IMMP2L: variants seen among roughly 807,000 people sequenced by gnomAD.
The protein encoded by IMMP2L is mitochondrial inner membrane protease subunit 2.
IMMP2L carries 18 observed loss-of-function variants against 19.3 expected under a neutral mutation model. The observed-to-expected ratio is 0.93, with a 90% CI of 0.64 to 1.38. IMMP2L has a LOEUF of 1.38. IMMP2L is among the 40% of genes most tolerant of loss of function. IMMP2L has a pLI of 0.00. For synonymous variants in IMMP2L, 76 were observed against 73.0 expected, an observed-to-expected ratio of 1.04 and a Z score of -0.21; for missense variants, 233 against 218.2, an observed-to-expected ratio of 1.07 and a Z score of -0.43.
intron 5 of IMMP2L, among the ~76,000 whole-genome samples, chr7:110,827,511 G>T (rs953404037): frequency 6.6e-6 from 1 of 152,160 alleles, no homozygotes; most frequent in Non-Finnish European, 1.5e-5. Flanking sequence ...ATAAGATATT[G>T]TCCTCACTTT....
chr7:111,128,935 A>G (rs1801582372), intron 3 of IMMP2L, among the ~76,000 whole-genome samples: 1 of 152,206 alleles, frequency 6.6e-6, no homozygotes, highest in Non-Finnish European at 1.5e-5. Flanking sequence ...GTGAATTTCA[A>G]AAAGGTTTAT....
intron 3 of IMMP2L, among the ~76,000 whole-genome samples, chr7:111,288,378 A>G (rs916356839): frequency 6.6e-6 from 1 of 152,148 alleles, no homozygotes; most frequent in African/African-American, 2.4e-5. Flanking sequence ...CAGGAATGGG[A>G]AAAGACTTCA....
At chr7:110,869,553 T>TA (rs1808336360) in intron 5 of IMMP2L, among the ~76,000 whole-genome samples, 1 of 152,134 alleles carries the variant, frequency 6.6e-6, no homozygotes, top group Non-Finnish European at 1.5e-5. Context: ...TAGGCCCCTA[T>TA]AAGCCAGTGT....
intron 5 of IMMP2L, chr7:110,724,625 T>A (rs563529049): frequency 5.5e-4 from 84 of 152,298 alleles, no homozygotes; most frequent in African/African-American, 1.9e-3. Context: ...CAGCATTTTT[T>A]TTTTTTGCAT....
At chr7:111,301,828 C>T (rs1271645739) in intron 3 of IMMP2L, among the ~76,000 whole-genome samples, 1 of 149,682 alleles carries the variant, frequency 6.7e-6, no homozygotes, top group Admixed American at 6.7e-5. Flanking sequence ...TATCCCTCCA[C>T]CAATAACACA....
chr7:111,322,497 T>A (rs964722090), intron 3 of IMMP2L, among the ~76,000 whole-genome samples: 1 of 151,694 alleles, frequency 6.6e-6, no homozygotes, highest in Non-Finnish European at 1.5e-5. Flanking sequence ...AGCATAAGAA[T>A]TCTCCATTAT....
chr7:111,279,826 G>A (rs1198915759), intron 3 of IMMP2L, among the ~76,000 whole-genome samples: 1 of 152,120 alleles, frequency 6.6e-6, no homozygotes, highest in East Asian at 1.9e-4. Context: ...TGTCCATGAT[G>A]CAGCATATAG....
At chr7:110,853,378 T>C (rs1016172873) in intron 5 of IMMP2L, among the ~76,000 whole-genome samples, 1 of 152,016 alleles carries the variant, frequency 6.6e-6, no homozygotes, top group Non-Finnish European at 1.5e-5. Context: ...AATCTCTAGA[T>C]TGTGTGTTCA....
At chr7:111,259,290 A>G (rs1319238603) in intron 3 of IMMP2L, among the ~76,000 whole-genome samples, 6 of 152,086 alleles carry the variant, frequency 3.9e-5, no homozygotes, top group Non-Finnish European at 5.9e-5. Context: ...TGTTGACTTT[A>G]TAAACACTGT....
intron 5 of IMMP2L, among the ~76,000 whole-genome samples, chr7:110,697,587 T>G (rs542118716): frequency 2.8e-4 from 43 of 152,272 alleles, no homozygotes; most frequent in African/African-American, 9.9e-4. Flanking sequence ...GAGGATTACT[T>G]GAGCCAGGAG....
At chr7:110,664,352 G>A (rs1791293373) in intron 5 of IMMP2L, among the ~76,000 whole-genome samples, 1 of 152,028 alleles carries the variant, frequency 6.6e-6, no homozygotes, top group South Asian at 2.1e-4. Flanking sequence ...CACGGATCTA[G>A]TACTCATGGA....
chr7:111,255,130 C>T (rs1389711536), intron 3 of IMMP2L, among the ~76,000 whole-genome samples: 1 of 151,962 alleles, frequency 6.6e-6, no homozygotes, highest in Non-Finnish European at 1.5e-5. Flanking sequence ...CAACCCCCAC[C>T]GATACATATT....
intron 3 of IMMP2L, among the ~76,000 whole-genome samples, chr7:111,290,067 AG>A (rs1820922677): frequency 6.6e-6 from 1 of 152,176 alleles, no homozygotes; most frequent in African/African-American, 2.4e-5. Context: ...ATTATCTGGT[AG>A]TGTCTTCTCC....
chr7:111,135,099 T>C (rs900996755), intron 3 of IMMP2L, among the ~76,000 whole-genome samples: 15 of 152,140 alleles, frequency 9.9e-5, no homozygotes, highest in African/African-American at 3.6e-4. Flanking sequence ...ATGTAAGTAA[T>C]TCGGCACAAA....
chr7:111,322,805 A>C (rs900482077), intron 3 of IMMP2L, among the ~76,000 whole-genome samples: 1 of 151,928 alleles, frequency 6.6e-6, no homozygotes, highest in South Asian at 2.1e-4. Context: ...GCACTTCTCC[A>C]AAGAAAATCC....
In IMMP2L at chr7:111,229,274, A is replaced by C. The variant is rs994150294; in HGVS notation, c.239+257964T>G. Among the ~76,000 whole-genome samples the C allele has an allele frequency of 2.0e-5, 3 of 152,112 alleles. No homozygotes were observed. The South Asian group carries it at 6.2e-4, about 31-fold the overall frequency. On this transcript the variant is annotated intron_variant, in intron 3 of 5. Transcript: ENST00000405709. The stretch of plus-strand genomic sequence containing the variant: ...AACCCTCAATTTCCCTTTGAAAGGA[A>C]ATACCGAGAGTATTTAATGTATCCT...
chr7:111,142,951 T>C (rs1432179259), intron 3 of IMMP2L, among the ~76,000 whole-genome samples: 2 of 152,164 alleles, frequency 1.3e-5, no homozygotes, highest in African/African-American at 4.8e-5. Flanking sequence ...ACCCATCCTG[T>C]ACTATTGTAT....
intron 3 of IMMP2L, among the ~76,000 whole-genome samples, chr7:111,288,464 G>T (rs981576893): frequency 1.2e-4 from 19 of 152,144 alleles, no homozygotes; most frequent in African/African-American, 4.3e-4. Context: ...AAGAGCTTCT[G>T]CACAGAAAAA....
At chr7:111,453,843 T>C (rs1839442468) in intron 3 of IMMP2L, among the ~76,000 whole-genome samples, 1 of 152,168 alleles carries the variant, frequency 6.6e-6, no homozygotes, top group African/African-American at 2.4e-5. Flanking sequence ...GATTGCCTTA[T>C]AATAAGCACT....
Sources: allele counts gnomAD v4.1 joint callset (sites outside exome capture counted in the v4.1 genomes callset), GRCh38; gene constraint gnomAD v4.1.1; transcripts MANE v1.5; gene names NCBI Gene and HGNC (gene_info 2026-07-23, HGNC 2026-07-21).